The following SCARA3 variants were observed in gnomAD, a reference collection of about 807,000 sequenced individuals.
The protein encoded by SCARA3 is scavenger receptor class A member 3, also known as cellular stress response gene protein.
SCARA3 carries 39 observed loss-of-function variants against 47.0 expected under a neutral mutation model. The observed-to-expected ratio is 0.83, with a 90% CI of 0.64 to 1.08. The LOEUF (loss-of-function observed/expected upper bound fraction) is 1.08. SCARA3 is among the 50% of genes least tolerant of loss of function. The probability of loss-of-function intolerance (pLI) is 0.00; values close to 1 mark genes in which losing one functional copy is unlikely to be tolerated. For synonymous variants in SCARA3, 356 were observed against 334.1 expected (o/e 1.07, Z -0.71); for missense variants, 724 against 792.3 (o/e 0.91, Z 1.04).
chr8:27,713,221 G>A, the SCARA3 span, among the ~76,000 whole-genome samples: 1 of 152,296 alleles, frequency 6.6e-6, no homozygotes, highest in Admixed American at 6.5e-5. Context: ...AGATCATAGG[G>A]CAGCCACTTT....
chr8:27,710,198 C>G, the SCARA3 span, among the ~76,000 whole-genome samples: 11 of 148,488 alleles, frequency 7.4e-5, no homozygotes, highest in Admixed American at 6.8e-4. Context: ...CCACTGCACT[C>G]CAGCCTGGGC....
At chr8:27,675,458 C>T (rs1314718165), downstream of SCARA3, among the ~76,000 whole-genome samples, 1 of 152,170 alleles carries the variant, frequency 6.6e-6, no homozygotes, top group Non-Finnish European at 1.5e-5. Context: ...CTGTCTTGCC[C>T]TTTTGTTTTC....
the SCARA3 span, among the ~76,000 whole-genome samples, chr8:27,725,044 G>A: frequency 9.9e-5 from 15 of 152,122 alleles, no homozygotes; most frequent in Admixed American, 7.9e-4. Flanking sequence ...TAACACTCTG[G>A]GAGGCCAAGG....
chr8:27,727,506 G>T, the SCARA3 span, among the ~76,000 whole-genome samples: 1 of 152,142 alleles, frequency 6.6e-6, no homozygotes, highest in East Asian at 1.9e-4. Flanking sequence ...GTCACCTAGA[G>T]TTCCTTCCAG....
chr8:27,698,439 AATGTTTTCCCTT>A, the SCARA3 span, among the ~76,000 whole-genome samples: 1 of 152,194 alleles, frequency 6.6e-6, no homozygotes, highest in Admixed American at 6.5e-5. Context: ...TGGAAGTCTA[AATGTTTTCCCTT>A]ATAAACCAGA....
intron 1 of SCARA3, among the ~76,000 whole-genome samples, chr8:27,634,906 GCCCC>G (rs1801217060): frequency 6.6e-6 from 1 of 152,182 alleles, no homozygotes. Flanking sequence ...GTGTCTTTAG[GCCCC>G]TACTTGGTCT....
At chr8:27,680,662 G>A (rs940664645), downstream of SCARA3, among the ~76,000 whole-genome samples, 5 of 152,074 alleles carry the variant, frequency 3.3e-5, no homozygotes, top group African/African-American at 4.8e-5. Context: ...TTTCAAAAGA[G>A]TAGGAAACCA....
chr8:27,676,568 G>A (rs1446113261), downstream of SCARA3: 1 of 1,607,156 alleles, frequency 6.2e-7, no homozygotes, highest in East Asian at 2.2e-5. Context: ...ATCTATTCTA[G>A]GTCACACTTT....
At chr8:27,699,498 C>G in the SCARA3 span, among the ~76,000 whole-genome samples, 1 of 152,030 alleles carries the variant, frequency 6.6e-6, no homozygotes, top group Non-Finnish European at 1.5e-5. Flanking sequence ...AGCCACTGTG[C>G]CAGGCCTCGG....
At position 27,659,403 on chromosome 8, in the gene SCARA3, C is replaced by T. The variant is rs771426370; in HGVS notation, c.1233C>T (p.Asp411=). Residue 411 remains aspartate, a synonymous_variant, in exon 5 of 6, where the codon GAC becomes GAT. Coordinates refer to ENST00000301904, the MANE Select transcript of SCARA3 (RefSeq NM_016240.3). ...KSVSIMLGTT[D]LLRERFSLLS... ...TCTCCATCATGCTGGGCACCACAGA[C>T]CTGCTCCGGGAGCGCTTCAGCCTGC... 24 of 1,613,790 alleles carry T rather than the reference C, an allele frequency of 1.5e-5. No homozygotes were observed. In the Middle Eastern group the frequency reaches 4.9e-4, roughly 33 times the overall value.
chr8:27,712,639 T>G, the SCARA3 span, among the ~76,000 whole-genome samples: 3 of 152,008 alleles, frequency 2.0e-5, no homozygotes, highest in African/African-American at 7.2e-5. Context: ...CTGAATGGTA[T>G]TCTTCTGTCC....
chr8:27,634,085 C>CGCGGGCGGCGCCTAGGACG lies in SCARA3; in HGVS notation c.-112_-94dup. 1 of 980,600 alleles carries CGCGGGCGGCGCCTAGGACG rather than the reference C, an allele frequency of 1.0e-6. No individual in the cohort carries two copies. 60.7% of individuals were successfully genotyped at this position (980,600 alleles called of 1,614,324 possible). ...TGAGTCCCGGCCGGAGCCCCACGGC[C>CGCGGGCGGCGCCTAGGACG]GCGGGCGGCGCCTAGGACGGCGATC... is the stretch of plus-strand genomic sequence containing the variant. On this transcript the variant is annotated 5_prime_UTR_variant, in exon 1 of 6. Transcript: ENST00000301904.
the SCARA3 span, among the ~76,000 whole-genome samples, chr8:27,700,621 A>T: frequency 0.47 from 71,149 of 151,730 alleles, 17,040 homozygotes; most frequent in Middle Eastern, 0.59. Context: ...ATAAAAAAAA[A>T]AAAAAAGATG....
the SCARA3 span, among the ~76,000 whole-genome samples, chr8:27,683,874 G>A: frequency 5.3e-5 from 8 of 151,610 alleles, no homozygotes; most frequent in Admixed American, 2.6e-4. Flanking sequence ...AGAGGAGAAC[G>A]ACAATAAAAT....
At position 27,672,727 on chromosome 8, in the gene SCARA3, G is replaced by C; in HGVS notation, c.*1376G>C. The stretch of plus-strand genomic sequence containing the variant: ...GGGGCGCTGGGAAATCACCCCACAG[G>C]GTGGAGGTCTCCTGTTGGCTACACT... On this transcript the variant is annotated 3_prime_UTR_variant, in exon 6 of 6. Transcript: ENST00000301904. The C allele has an allele frequency of 2.0e-6, 2 of 985,582 alleles. No homozygotes were observed. Among genetic ancestry groups the C allele is most frequent in the Non-Finnish European group, 2.4e-6 (2 of 830,052 alleles). The allele number at this position is 985,582 out of a possible 1,614,324, so 61.1% of individuals were successfully genotyped here.
chr8:27,729,664 G>A, the SCARA3 span, among the ~76,000 whole-genome samples: 1 of 152,064 alleles, frequency 6.6e-6, no homozygotes, highest in East Asian at 1.9e-4. Context: ...GTTGGTGGGC[G>A]CCTGTAGTCC....
At chr8:27,634,426 C>A (rs1373621654) in intron 1 of SCARA3, among the ~76,000 whole-genome samples, 2 of 152,206 alleles carry the variant, frequency 1.3e-5, no homozygotes, top group East Asian at 1.9e-4. Flanking sequence ...CACACACCCC[C>A]CCTTGCAGTC....
At chr8:27,653,495 G>T (rs935159051) in intron 3 of SCARA3, among the ~76,000 whole-genome samples, 4 of 152,174 alleles carry the variant, frequency 2.6e-5, no homozygotes, top group Admixed American at 6.5e-5. Context: ...CCCTAGAACA[G>T]TGTTGGCACC....
At chr8:27,703,342 C>A in the SCARA3 span, 1 of 152,486 alleles carries the variant, frequency 6.6e-6, no homozygotes, top group Non-Finnish European at 1.5e-5. Flanking sequence ...TTTGTTAGTG[C>A]AGGTGGAGAG....
Sources: gnomAD v4.1 joint callset for allele counts (sites outside exome capture counted in the v4.1 genomes callset) on GRCh38, gnomAD v4.1.1 for gene constraint, MANE v1.5 for transcripts, NCBI Gene and HGNC (gene_info 2026-07-23, HGNC 2026-07-21) for gene names.